FBXW11: variants seen among roughly 807,000 people sequenced by gnomAD.
FBXW11 encodes F-box/WD repeat-containing protein 11.
A neutral mutation model predicts 77.6 loss-of-function variants in FBXW11; 19 were observed. The observed-to-expected ratio is 0.24, with a 90% CI of 0.17 to 0.36. The LOEUF is 0.36. FBXW11 is among the 10% of genes least tolerant of loss of function. FBXW11 has a pLI of 1.00. For synonymous variants in FBXW11, 235 were observed against 249.4 expected (o/e 0.94, Z 0.54); for missense variants, 334 against 704.2 (o/e 0.47, Z 5.95).
rs558104579 is a variant in FBXW11, at chr5:172,001,414, G to C, written c.45+5044C>G. Among the ~76,000 whole-genome samples, 4 of 152,160 alleles carry C rather than the reference G, an allele frequency of 2.6e-5. No homozygotes were observed. The East Asian group carries it at 7.7e-4, about 29-fold the overall frequency. On this transcript the variant is annotated intron_variant, in intron 1 of 13. Coordinates refer to ENST00000517395, the MANE Select transcript of FBXW11 (RefSeq NM_001378974.1). ...AGGATAGTTAAGACACAGGCAAAAG[G>C]CAATAATGTCTGAAAATGATCACCA...
Position 171,962,176 on chromosome 5 carries a change from T to C in FBXW11, c.46-4478A>G, listed in dbSNP as rs1399953321. ...TGTCTGAAGAATACCCCTGATACCA[T>C]GGGTATTTACCAATTTTAACAAATA... On this transcript the variant is annotated intron_variant, in intron 1 of 13. Transcript: ENST00000517395. Among the ~76,000 whole-genome samples, 7 of 152,276 alleles carry C rather than the reference T, an allele frequency of 4.6e-5. 1 individual carries two copies. The South Asian group carries it at 1.2e-3, about 27-fold the overall frequency.
At chr5:172,004,692 C>T (rs1164827333) in intron 1 of FBXW11, among the ~76,000 whole-genome samples, 1 of 152,126 alleles carries the variant, frequency 6.6e-6, no homozygotes, top group African/African-American at 2.4e-5. Flanking sequence ...TAAGTACATG[C>T]ACTGTGTGTA....
chr5:171,907,360 G>C (rs998173134), intron 4 of FBXW11, among the ~76,000 whole-genome samples: 1 of 152,166 alleles, frequency 6.6e-6, no homozygotes, highest in Non-Finnish European at 1.5e-5. Context: ...TCAAACTCAA[G>C]ATGATGTACA....
Position 171,910,725 on chromosome 5 carries a change from C to A in FBXW11, c.283G>T (p.Asp95Tyr). 6.2e-7 allele frequency: 1 copy of A among 1,613,738 alleles called. No individual in the cohort carries two copies. Among genetic ancestry groups the A allele is most frequent in the Non-Finnish European group, 8.5e-7 (1 of 1,179,860 alleles). ...PSEGNYQKEKDLCIKYFDQWS... is the reference protein window; with the variant it reads ...PSEGNYQKEKYLCIKYFDQWS... ...TGGTCAAAATATTTAATACACAAGT[C>A]TTTTTCTTTTTGATAGTTTCCTTCT... Residue 95 changes from aspartate to tyrosine, a missense_variant, in exon 4 of 14, where the codon GAC becomes TAC. Physicochemically the swap from Asp to Tyr is radical, Grantham distance 160. This residue lies in a region of FBXW11 where 56 missense variants were observed against 144.9 expected (regional missense o/e 0.39). Coordinates refer to ENST00000517395, the MANE Select transcript of FBXW11 (RefSeq NM_001378974.1).
chr5:171,902,103 T>C (rs1017381795), intron 4 of FBXW11, among the ~76,000 whole-genome samples: 6 of 152,236 alleles, frequency 3.9e-5, no homozygotes, highest in African/African-American at 1.4e-4. Context: ...GTCATCTATA[T>C]GTGCCATTGC....
chr5:171,956,908 G>A (rs1763643350), intron 2 of FBXW11, among the ~76,000 whole-genome samples: 2 of 152,166 alleles, frequency 1.3e-5, no homozygotes, highest in Admixed American at 6.5e-5. Flanking sequence ...ACCCCAACAA[G>A]AGAGGGTCAC....
intron 1 of FBXW11, among the ~76,000 whole-genome samples, chr5:172,000,442 T>C (rs1432108257): frequency 3.3e-5 from 5 of 152,206 alleles, no homozygotes; most frequent in Non-Finnish European, 7.3e-5. Flanking sequence ...ATTGAAATAG[T>C]ACCTCCCAGA....
In FBXW11 at chr5:171,917,764, C is replaced by CTG. The variant is rs1036387534; in HGVS notation, c.148-3360_148-3359insCA. On this transcript the variant is annotated intron_variant, in intron 2 of 13. Coordinates refer to ENST00000517395, the MANE Select transcript of FBXW11 (RefSeq NM_001378974.1). ...TACACATCCTTGCACTCTAGACTCA[C>CTG]TCTGTGTGTGTGTGTGTGTGTGTGT... is the stretch of plus-strand genomic sequence containing the variant. Among the ~76,000 whole-genome samples, 3 of 65,734 alleles carry CTG rather than the reference C, an allele frequency of 4.6e-5. No homozygotes were observed. In the South Asian group the frequency reaches 2.3e-3, roughly 50 times the overall value. The allele number at this position is 65,734 out of a possible 152,430, so 43.1% of individuals were successfully genotyped here.
At chr5:171,901,771 G>A (rs1324416036) in intron 4 of FBXW11, among the ~76,000 whole-genome samples, 1 of 152,184 alleles carries the variant, frequency 6.6e-6, no homozygotes, top group Non-Finnish European at 1.5e-5. Flanking sequence ...GGAAAGGTGG[G>A]GGGCAGCTTT....
At chr5:171,987,891 G>T (rs1165305252) in intron 1 of FBXW11, among the ~76,000 whole-genome samples, 1 of 152,132 alleles carries the variant, frequency 6.6e-6, no homozygotes, top group Non-Finnish European at 1.5e-5. Flanking sequence ...ACAAGCTTCT[G>T]GAAGCAAGGT....
chr5:171,967,879 T>TAC (rs1235618332), intron 1 of FBXW11, among the ~76,000 whole-genome samples: 3 of 62,660 alleles, frequency 4.8e-5, no homozygotes, highest in African/African-American at 1.1e-4. Context: ...TATATATATA[T>TAC]ATATACACAC....
chr5:171,958,849 C>T (rs1379741645), intron 1 of FBXW11, among the ~76,000 whole-genome samples: 1 of 152,170 alleles, frequency 6.6e-6, no homozygotes, highest in Non-Finnish European at 1.5e-5. Context: ...TGGACCCAAG[C>T]TCATAAACTT....
chr5:171,973,780 A>G (rs1194439720), intron 1 of FBXW11, among the ~76,000 whole-genome samples: 1 of 152,220 alleles, frequency 6.6e-6, no homozygotes, highest in Non-Finnish European at 1.5e-5. Context: ...AGGGGGATTG[A>G]GAATTCTGTA....
chr5:171,952,436 TATA>T (rs1763378597), intron 2 of FBXW11, among the ~76,000 whole-genome samples: 3 of 17,608 alleles, frequency 1.7e-4, no homozygotes, highest in South Asian at 5.2e-3. Flanking sequence ...TATATATATA[TATA>T]TATATATATT....
At position 171,868,700 on chromosome 5, in the gene FBXW11, C is replaced by T. The variant is rs746499270; in HGVS notation, c.1627G>A (p.Val543Met). ...GTCTCATTCTGGGCACTGGGAGGCA[C>T]ATTTAAGAAATCCCAAATCAAAATA... Reference protein sequence around the residue: ...DTILIWDFLNVPPSAQNETRS... With the variant: ...DTILIWDFLNMPPSAQNETRS... Residue 543 changes from valine (V) to methionine (M), a missense_variant, in exon 13 of 14, where the codon GTG (valine) becomes ATG (methionine). Val to Met is a conservative substitution (Grantham distance 21). Transcript: ENST00000517395. 11 of 1,613,956 alleles carry T rather than the reference C, an allele frequency of 6.8e-6. No homozygotes were observed. The highest frequency in any genetic ancestry group is 1.3e-5 in the African/African-American group (1 of 75,014).
At chr5:171,919,706 C>T (rs1241121619) in intron 2 of FBXW11, among the ~76,000 whole-genome samples, 1 of 152,184 alleles carries the variant, frequency 6.6e-6, no homozygotes, top group Non-Finnish European at 1.5e-5. Context: ...AGAAATGTTA[C>T]ACAACTTGCC....
intron 4 of FBXW11, among the ~76,000 whole-genome samples, chr5:171,903,256 C>A (rs963933707): frequency 1.8e-4 from 27 of 152,068 alleles, no homozygotes; most frequent in African/African-American, 6.5e-4. Flanking sequence ...GCCTCCACAC[C>A]CAGCTAATTT....
At chr5:171,935,144 A>C (rs866908098) in intron 2 of FBXW11, among the ~76,000 whole-genome samples, 73 of 152,124 alleles carry the variant, frequency 4.8e-4, no homozygotes, top group African/African-American at 1.7e-3. Context: ...TTTTTAGTAG[A>C]GACGGGGTTT....
intron 1 of FBXW11, among the ~76,000 whole-genome samples, chr5:171,967,875 TATATATATACACACACACAC>T (rs1443743512): frequency 1.3e-4 from 7 of 54,362 alleles, no homozygotes; most frequent in African/African-American, 2.2e-4. Context: ...TATATATATA[TATATATATACACACACACAC>T]ACACACACAC....
Sources: gnomAD v4.1 joint callset for allele counts (sites outside exome capture counted in the v4.1 genomes callset) on GRCh38, gnomAD v4.1.1 for gene constraint, gnomAD v4.1.1 regional missense constraint, MANE v1.5 for transcripts, NCBI Gene and HGNC (gene_info 2026-07-23, HGNC 2026-07-21) for gene names.